Variants in IFT57 observed in about 807,000 individuals in gnomAD.
IFT57 encodes the protein intraflagellar transport protein 57 homolog.
A neutral mutation model predicts 56.8 loss-of-function variants in IFT57; 59 were observed. That is an observed-to-expected ratio of 1.04 (90% CI 0.84 to 1.29). IFT57 has a LOEUF of 1.29. Ranked by LOEUF, IFT57 falls within the 50% of genes most tolerant of loss-of-function variation. The probability of loss-of-function intolerance (pLI) is 0.00; values close to 1 mark genes in which losing one functional copy is unlikely to be tolerated. For synonymous variants in IFT57, 209 were observed against 186.1 expected (o/e 1.12, Z -1.00); for missense variants, 470 against 522.1 (o/e 0.90, Z 0.97).
At chr3:108,196,302 G>A (rs1013768949) in intron 5 of IFT57, among the ~76,000 whole-genome samples, 1 of 151,602 alleles carries the variant, frequency 6.6e-6, no homozygotes, top group Non-Finnish European at 1.5e-5. Context: ...TTACAAGATT[G>A]AAGTTCAGAA....
intron 5 of IFT57, among the ~76,000 whole-genome samples, chr3:108,196,734 A>T (rs1475553447): frequency 2.0e-5 from 3 of 152,204 alleles, no homozygotes; most frequent in African/African-American, 7.2e-5. Flanking sequence ...TTGCTAAGTG[A>T]ATAAAGGGCA....
intron 10 of IFT57, 128 bp from the exon 11 acceptor site, chr3:108,162,783 C>T (rs562999654): frequency 4.6e-6 from 3 of 654,468 alleles, no homozygotes; most frequent in Non-Finnish European, 7.1e-6. Flanking sequence ...CAAAAACTTA[C>T]TGACATTCAC....
In IFT57 at chr3:108,191,647, A is replaced by C. The variant is rs1576040330; in HGVS notation, c.655-4T>G. On this transcript the variant is annotated splice_polypyrimidine_tract_variant and splice_region_variant and intron_variant, in intron 5 of 10. Coordinates refer to ENST00000264538, the MANE Select transcript of IFT57 (RefSeq NM_018010.4). ...GTTTGGCAGTCTCGTTCATATCCTA[A>C]GAAAGGAAAGATATCACAAGATTGA... 1.3e-6 allele frequency: 2 copies of C among 1,588,408 alleles called. No homozygotes were observed. The highest frequency in any genetic ancestry group is 2.2e-5 in the East Asian group (1 of 44,686).
Position 108,166,977 on chromosome 3 carries a change from CA to C in IFT57, c.857del (p.Leu286TrpfsTer40). 1 of 1,603,626 alleles carries C rather than the reference CA, an allele frequency of 6.2e-7. No homozygotes were observed. Among genetic ancestry groups the C allele is most frequent in the Non-Finnish European group, 8.5e-7 (1 of 1,175,400 alleles). ...TAGTAATTTCATTATGGAGTTTGTCCAAAAATCCCTAGAAATTCCATGGAAT... is the reference window on the plus strand; with the variant it reads ...TAGTAATTTCATTATGGAGTTTGTCCAAAATCCCTAGAAATTCCATGGAAT... ...ESALKETKGF[L>X]DKLHNEITRT... On this transcript the variant is annotated frameshift_variant, in exon 8 of 11. Coordinates refer to ENST00000264538, the MANE Select transcript of IFT57 (RefSeq NM_018010.4). LOFTEE classifies it high-confidence loss of function.
At chr3:108,165,294 T>C (rs373905498) in intron 9 of IFT57, 137 bp downstream of exon 9, 2 of 621,020 alleles carry the variant, frequency 3.2e-6, no homozygotes, top group South Asian at 2.1e-5. Context: ...ATAGGAAAAT[T>C]AGGGATTATC....
intron 6 of IFT57, among the ~76,000 whole-genome samples, chr3:108,182,355 T>C (rs2080155692): frequency 6.6e-6 from 1 of 152,066 alleles, no homozygotes; most frequent in Non-Finnish European, 1.5e-5. Context: ...CTTCCAATTC[T>C]AAGAGACTTA....
At chr3:108,190,281 T>C (rs1358122983) in intron 6 of IFT57, among the ~76,000 whole-genome samples, 1 of 152,172 alleles carries the variant, frequency 6.6e-6, no homozygotes, top group Non-Finnish European at 1.5e-5. Context: ...TGTAAGGACA[T>C]GAGATTTGGG....
Position 108,206,623 on chromosome 3 carries a change from CT to C in IFT57, c.654+4del. 7.5e-7 allele frequency: 1 copy of C among 1,332,646 alleles called. No homozygotes were observed. The highest frequency in any genetic ancestry group is 1.0e-6 in the Non-Finnish European group (1 of 1,003,100). The allele number at this position is 1,332,646 out of a possible 1,614,324, so 82.6% of individuals were successfully genotyped here. A position where few individuals can be genotyped will look rare whatever the true frequency, so the allele number is the denominator to read the frequency against. On this transcript the variant is annotated splice_donor_region_variant and intron_variant, in intron 5 of 10. Coordinates refer to ENST00000264538, the MANE Select transcript of IFT57 (RefSeq NM_018010.4). Reference sequence around the variant, plus strand: ...TTGGTCCTGCATGTATCTGATGAAACTTACCAAGTGATATGTCTGGGCCTTT... The same window carrying C: ...TTGGTCCTGCATGTATCTGATGAAACTACCAAGTGATATGTCTGGGCCTTT...
chr3:108,222,194 C>A lies in IFT57; in HGVS notation c.129G>T (p.Val43=). The change falls in exon 1 of 11, where the codon GTG becomes GTT. Residue 43 remains valine (V), a synonymous_variant. Transcript: ENST00000264538. ...GPGAAYHMFV[V]MEDLVEKLKL... Reference sequence around the variant, plus strand: ...TCAGCTTCTCCACCAAGTCCTCCATCACCACGAACATGTGGTAGGCCGCGC... The same window carrying A: ...TCAGCTTCTCCACCAAGTCCTCCATAACCACGAACATGTGGTAGGCCGCGC... The A allele has an allele frequency of 6.2e-7, 1 of 1,614,172 alleles. No homozygotes were observed. Among genetic ancestry groups the A allele is most frequent in the Non-Finnish European group, 8.5e-7 (1 of 1,180,018 alleles).
chr3:108,209,982 T>A (rs190467855), intron 4 of IFT57, among the ~76,000 whole-genome samples: 1 of 152,012 alleles, frequency 6.6e-6, no homozygotes, highest in African/African-American at 2.4e-5. Context: ...AACTAATTCA[T>A]AGAAAAAGGA....
chr3:108,188,332 T>C (rs1429737697), intron 6 of IFT57, among the ~76,000 whole-genome samples: 1 of 152,180 alleles, frequency 6.6e-6, no homozygotes, highest in Non-Finnish European at 1.5e-5. Flanking sequence ...AGTATATACA[T>C]TTATTTTTAA....
chr3:108,207,241 TTAAAAAGGA>T (rs1454031801), intron 4 of IFT57, among the ~76,000 whole-genome samples: 1 of 152,178 alleles, frequency 6.6e-6, no homozygotes, highest in Non-Finnish European at 1.5e-5. Flanking sequence ...CTTAAATCTA[TTAAAAAGGA>T]TAGTATAGGT....
chr3:108,169,106 C>T (rs1290628829), intron 6 of IFT57, among the ~76,000 whole-genome samples: 1 of 152,014 alleles, frequency 6.6e-6, no homozygotes, highest in Non-Finnish European at 1.5e-5. Context: ...TTTACACTCC[C>T]ACCAACAGTG....
At chr3:108,166,703 CG>C (rs2080065400) in intron 8 of IFT57, 150 bp downstream of exon 8, 7 of 571,064 alleles carry the variant, frequency 1.2e-5, no homozygotes, top group Non-Finnish European at 1.4e-5. Context: ...TAAGTTCACT[CG>C]GCTCTCTTGG....
At chr3:108,183,177 A>T (rs1401221405) in intron 6 of IFT57, among the ~76,000 whole-genome samples, 2 of 151,994 alleles carry the variant, frequency 1.3e-5, no homozygotes, top group African/African-American at 2.4e-5. Context: ...ATTGTGATTT[A>T]AAAAAAACTT....
chr3:108,219,291 CTAAAAA>C, intron 2 of IFT57, 113 bp downstream of exon 2: 1 of 792,044 alleles, frequency 1.3e-6, no homozygotes, highest in Non-Finnish European at 2.0e-6. Context: ...GAGGTTTTAC[CTAAAAA>C]TAAATTCATA....
chr3:108,163,324 T>C (rs2080044414), intron 10 of IFT57, among the ~76,000 whole-genome samples: 1 of 152,134 alleles, frequency 6.6e-6, no homozygotes, highest in South Asian at 2.1e-4. Context: ...TGCCCTTTTG[T>C]ATATAAAATA....
chr3:108,174,068 G>C (rs1229512978), intron 6 of IFT57, among the ~76,000 whole-genome samples: 1 of 140,764 alleles, frequency 7.1e-6, no homozygotes, highest in East Asian at 2.3e-4. Flanking sequence ...TTTGAATATG[G>C]GTACTTTTAA....
chr3:108,205,691 CA>C (rs1312605081), intron 5 of IFT57, among the ~76,000 whole-genome samples: 10 of 147,668 alleles, frequency 6.8e-5, no homozygotes, highest in Non-Finnish European at 1.5e-5. Flanking sequence ...ACTAATAGAG[CA>C]TTACTTTCCA....
Sources: allele counts gnomAD v4.1 joint callset (sites outside exome capture counted in the v4.1 genomes callset), GRCh38; gene constraint gnomAD v4.1.1; transcripts MANE v1.5; gene names NCBI Gene and HGNC (gene_info 2026-07-23, HGNC 2026-07-21).